Variants in SFT2D1 observed in about 807,000 individuals in gnomAD.
SFT2D1 encodes the protein SFT2 domain containing 1, also known as vesicle transport protein SFT2A.
In SFT2D1, 24 loss-of-function variants were observed where a neutral mutation model predicts 28.1. The observed-to-expected ratio is 0.85, with a 90% CI of 0.62 to 1.20. SFT2D1 has a LOEUF of 1.20. Among genes scored for constraint, SFT2D1 ranks in the 50% most tolerant of loss-of-function variants. SFT2D1 has a pLI of 0.00. For missense variants in SFT2D1, 181 were observed against 190.9 expected (o/e 0.95, Z 0.31); for synonymous variants, 82 against 73.7 (o/e 1.11, Z -0.58).
intron 7 of SFT2D1, among the ~76,000 whole-genome samples, chr6:166,321,606 T>G (rs550942462): frequency 6.6e-6 from 1 of 152,340 alleles, no homozygotes; most frequent in East Asian, 1.9e-4. Flanking sequence ...AAAATAAAAT[T>G]TCTACCAATT....
At chr6:166,324,648 T>C in intron 5 of SFT2D1, 53 bp from the exon 6 acceptor site, 1 of 1,524,416 alleles carries the variant, frequency 6.6e-7, no homozygotes, top group East Asian at 2.3e-5. Context: ...TAAAAACATC[T>C]TTCTCAATCA....
At chr6:166,335,929 G>C (rs1246869151) in intron 1 of SFT2D1, among the ~76,000 whole-genome samples, 1 of 152,210 alleles carries the variant, frequency 6.6e-6, no homozygotes, top group African/African-American at 2.4e-5. Context: ...AAAACTCCAG[G>C]ACTGTATTTG....
intron 7 of SFT2D1, among the ~76,000 whole-genome samples, chr6:166,320,555 CTTTT>C (rs34877356): frequency 6.6e-6 from 1 of 151,068 alleles, no homozygotes; most frequent in Non-Finnish European, 1.5e-5. Flanking sequence ...TAACTTTTTT[CTTTT>C]TTTTTCCTTT....
chr6:166,330,148 A>G lies in SFT2D1; in HGVS notation c.150+13T>C. Reference sequence around the variant, plus strand: ...AAATAAAAATTATTAAACAATATAAAGCCTTAACTCACAAGAATAGAAAAG... The same window carrying G: ...AAATAAAAATTATTAAACAATATAAGGCCTTAACTCACAAGAATAGAAAAG... On this transcript the variant is annotated intron_variant, in intron 2 of 7. Coordinates refer to ENST00000361731, the MANE Select transcript of SFT2D1 (RefSeq NM_145169.3). 6.4e-7 allele frequency: 1 copy of G among 1,550,456 alleles called. No individual in the cohort carries two copies. The highest frequency in any genetic ancestry group is 8.7e-7 in the Non-Finnish European group (1 of 1,153,138).
chr6:166,335,549 T>C (rs1583041536), intron 1 of SFT2D1: 3 of 432,586 alleles, frequency 6.9e-6, no homozygotes, highest in Non-Finnish European at 1.3e-5. Flanking sequence ...TGGCAGAAGA[T>C]TTTAACCCAT....
chr6:166,334,160 A>G (rs1778602153), intron 1 of SFT2D1, among the ~76,000 whole-genome samples: 1 of 152,178 alleles, frequency 6.6e-6, no homozygotes, highest in African/African-American at 2.4e-5. Context: ...CAGCCTCTGT[A>G]CACTCATACA....
intron 2 of SFT2D1, 76 bp downstream of exon 2, chr6:166,330,085 T>C (rs1350975533): frequency 1.8e-6 from 2 of 1,131,760 alleles, no homozygotes; most frequent in Admixed American, 3.3e-5. Context: ...TAAAGGACAT[T>C]AGTTTTTGGT....
At chr6:166,337,367 A>G (rs1317829204) in intron 1 of SFT2D1, among the ~76,000 whole-genome samples, 1 of 152,220 alleles carries the variant, frequency 6.6e-6, no homozygotes, top group Non-Finnish European at 1.5e-5. Context: ...AATTCCAAGG[A>G]ACATTTTTGA....
At chr6:166,321,833 TG>T (rs1291341355) in intron 7 of SFT2D1, among the ~76,000 whole-genome samples, 1 of 152,212 alleles carries the variant, frequency 6.6e-6, no homozygotes, top group Non-Finnish European at 1.5e-5. Context: ...ACAATTAAAA[TG>T]TTTTTGCTGA....
chr6:166,337,836 T>C (rs1046845585), intron 1 of SFT2D1, among the ~76,000 whole-genome samples: 1 of 152,200 alleles, frequency 6.6e-6, no homozygotes, highest in African/African-American at 2.4e-5. Flanking sequence ...GAGTGTTTGC[T>C]GAAATCCTCG....
rs1562440285 is a variant in SFT2D1, at chr6:166,320,092, A to G, written c.*125T>C. On this transcript the variant is annotated 3_prime_UTR_variant, in exon 8 of 8. Transcript: ENST00000361731. ...AGTTTTTACCAGTATACAAAATGAGACTTAGTACAAAACGGTCTTCAACTG... is the reference window on the plus strand; with the variant it reads ...AGTTTTTACCAGTATACAAAATGAGGCTTAGTACAAAACGGTCTTCAACTG... 4 of 769,940 alleles carry G rather than the reference A, an allele frequency of 5.2e-6. No individual in the cohort carries two copies. The highest frequency in any genetic ancestry group is 1.6e-5 in the South Asian group (1 of 61,016). 47.7% of individuals were successfully genotyped at this position (769,940 alleles called of 1,614,324 possible).
At chr6:166,337,109 A>G (rs10455977) in intron 1 of SFT2D1, among the ~76,000 whole-genome samples, 36,403 of 152,188 alleles carry the variant, frequency 0.24, 4,541 homozygotes, top group East Asian at 0.34. Flanking sequence ...AGCACAGCCC[A>G]GGCAGTGTAG....
chr6:166,320,041 G>T lies in SFT2D1; in HGVS notation c.*176C>A, dbSNP rs948123037. On this transcript the variant is annotated 3_prime_UTR_variant, in exon 8 of 8. Coordinates refer to ENST00000361731, the MANE Select transcript of SFT2D1 (RefSeq NM_145169.3). ...ACACATAATGAATTTAAAGTTACAA[G>T]CATTTAATGGTTTAATCAAGCATGT... 1.2e-5 allele frequency: 7 copies of T among 572,622 alleles called. No homozygotes were observed. In the African/African-American group the frequency reaches 1.4e-4, roughly 11 times the overall value. The allele number at this position is 572,622 out of a possible 1,614,324, so 35.5% of individuals were successfully genotyped here.
chr6:166,336,511 C>T (rs1008143567), intron 1 of SFT2D1, among the ~76,000 whole-genome samples: 1 of 152,280 alleles, frequency 6.6e-6, no homozygotes, highest in Non-Finnish European at 1.5e-5. Context: ...AAACAACAGA[C>T]ACTTATTTCT....
At chr6:166,327,652 C>A (rs1293745129) in intron 4 of SFT2D1, among the ~76,000 whole-genome samples, 1 of 152,102 alleles carries the variant, frequency 6.6e-6, no homozygotes, top group African/African-American at 2.4e-5. Context: ...AAACCATCAG[C>A]AGGGCTTAAA....
chr6:166,334,894 G>A (rs1234505569), intron 1 of SFT2D1: 1 of 422,872 alleles, frequency 2.4e-6, no homozygotes, highest in Non-Finnish European at 4.6e-6. Flanking sequence ...CTGTGAAAAA[G>A]ATATTTGCTG....
intron 7 of SFT2D1, among the ~76,000 whole-genome samples, chr6:166,321,724 T>C (rs1289383016): frequency 6.6e-6 from 1 of 152,238 alleles, no homozygotes; most frequent in Non-Finnish European, 1.5e-5. Flanking sequence ...TTTTTCTAAA[T>C]CTATCAGATT....
chr6:166,328,440 G>C, intron 3 of SFT2D1, 83 bp from the exon 4 acceptor site: 4 of 778,360 alleles, frequency 5.1e-6, no homozygotes, highest in Non-Finnish European at 7.7e-6. Context: ...TTTTAAAAAA[G>C]AAGCCCTGTT....
At chr6:166,335,424 G>A in intron 1 of SFT2D1, 1 of 565,138 alleles carries the variant, frequency 1.8e-6, no homozygotes, top group Non-Finnish European at 3.4e-6. Flanking sequence ...GGAAACTTTG[G>A]AGGCAGAAGC....
Sources: gnomAD v4.1 joint callset for allele counts (sites outside exome capture counted in the v4.1 genomes callset) on GRCh38, gnomAD v4.1.1 for gene constraint, MANE v1.5 for transcripts, NCBI Gene and HGNC (gene_info 2026-07-23, HGNC 2026-07-21) for gene names.